The following LAMA5 variants were observed in gnomAD, a reference collection of about 807,000 sequenced individuals.
The protein encoded by LAMA5 is laminin subunit alpha-5.
In LAMA5, 260 loss-of-function variants were observed where a neutral mutation model predicts 433.4. The ratio of observed to expected loss-of-function variants is 0.60; its 90% CI spans 0.54 to 0.66. LAMA5 has a LOEUF of 0.66. LAMA5 is among the 30% of genes least tolerant of loss of function. LAMA5 has a pLI of 0.00. For synonymous variants in LAMA5, 2,620 were observed against 2,226.6 expected (o/e 1.18, Z -4.97); for missense variants, 5,378 against 5,258.5 (o/e 1.02, Z -0.70).
In LAMA5 at chr20:62,310,006, G is replaced by A. The variant is rs762380026; in HGVS notation, c.10810C>T (p.Gln3604Ter). 3 of 1,611,132 alleles carry A rather than the reference G, an allele frequency of 1.9e-6. No homozygotes were observed. The highest frequency in any genetic ancestry group is 1.7e-6 in the Non-Finnish European group (2 of 1,179,698). ...VTRPSVLCDG[Q>*]WHRLAVMKSG... is the part of the protein sequence containing the mutation. ...GCCTCACCCGCTAGCCGGTGCCACT[G>A]GCCATCACACAGCACTGAGGGGCGG... Residue 3604 changes from glutamine to a stop codon, truncating the protein, a stop_gained, in exon 78 of 80, where the codon CAG (glutamine) becomes TAG (stop). Transcript: ENST00000252999. LOFTEE classifies it high-confidence loss of function.
At position 62,338,593 on chromosome 20, in the gene LAMA5, G is replaced by T. The variant is rs139957521; in HGVS notation, c.1493C>A (p.Ala498Glu). 2 of 1,610,024 alleles carry T rather than the reference G, an allele frequency of 1.2e-6. No individual in the cohort carries two copies. Among genetic ancestry groups the T allele is most frequent in the South Asian group, 2.2e-5 (2 of 90,420 alleles). ...AGQIVNCDCS[A>E]AGTQGNACRK... ...GCAGGCGTTGCCCTGGGTCCCTGCC[G>T]CGCTGCAGTCACAATCTGGAGGGTG... The change falls in exon 12 of 80, where the codon GCG (alanine) becomes GAG (glutamate). Residue 498 changes from alanine to glutamate, a missense_variant. Coordinates refer to ENST00000252999, the MANE Select transcript of LAMA5 (RefSeq NM_005560.6).
At position 62,310,027 on chromosome 20, in the gene LAMA5, G is replaced by A. The variant is rs1223349768; in HGVS notation, c.10789C>T (p.Pro3597Ser). The A allele has an allele frequency of 1.5e-5, 24 of 1,611,272 alleles. No homozygotes were observed. The highest frequency in any genetic ancestry group is 1.9e-5 in the Non-Finnish European group (23 of 1,179,772). Residue 3597 changes from proline to serine, a missense_variant, in exon 78 of 80, where the codon CCC becomes TCC. Physicochemically the swap from Pro to Ser is moderately conservative, Grantham distance 74. Coordinates refer to ENST00000252999, the MANE Select transcript of LAMA5 (RefSeq NM_005560.6). ...CACTGGCCATCACACAGCACTGAGG[G>A]GCGGGTCACTGACGTGGAGAACTCC... ...AGEFSTSVTRPSVLCDGQWHR... is the reference protein window; with the variant it reads ...AGEFSTSVTRSSVLCDGQWHR...
At chr20:62,346,619 G>A in intron 8 of LAMA5, 23 bp from the exon 9 acceptor site, 1 of 1,610,176 alleles carries the variant, frequency 6.2e-7, no homozygotes, top group Non-Finnish European at 8.5e-7. Context: ...TGGCCGTTGA[G>A]TCTGGGGAGG....
intron 11 of LAMA5, among the ~76,000 whole-genome samples, chr20:62,340,931 C>T (rs1040733926): frequency 2.0e-5 from 3 of 151,644 alleles, no homozygotes; most frequent in South Asian, 2.1e-4. Context: ...CCCAGCTACT[C>T]GGGAGGCTGA....
rs778307053 is a variant in LAMA5, at chr20:62,323,465, T to G, written c.6055A>C (p.Asn2019His). 19 of 1,540,962 alleles carry G rather than the reference T, an allele frequency of 1.2e-5. No individual in the cohort carries two copies. Among genetic ancestry groups the G allele is most frequent in the Admixed American group, 2.0e-5 (1 of 50,568 alleles). ...CCAGCCCGACGCCTACGGGTGCAGT[T>G]GCCGGGCAGCAGGGCGTTGCCGTAG... Reference protein sequence around the residue: ...GFYGNALLPGNCTRCDCTPCG... With the variant: ...GFYGNALLPGHCTRCDCTPCG... The change falls in exon 45 of 80, where the codon AAC becomes CAC. Residue 2019 changes from asparagine to histidine, a missense_variant. Physicochemically the swap from Asn to His is moderately conservative, Grantham distance 68. Transcript: ENST00000252999.
At chr20:62,352,583 C>A (rs1244691928) in intron 3 of LAMA5, among the ~76,000 whole-genome samples, 1 of 152,122 alleles carries the variant, frequency 6.6e-6, no homozygotes, top group Non-Finnish European at 1.5e-5. Flanking sequence ...AGTGACCCCC[C>A]TCGACGACCA....
chr20:62,325,656 G>C, intron 40 of LAMA5, 110 bp from the exon 41 acceptor site: 1 of 685,230 alleles, frequency 1.5e-6, no homozygotes, highest in Admixed American at 3.3e-5. Flanking sequence ...AAAGACCATG[G>C]GGCAGGAGGA....
At chr20:62,326,505 C>A in intron 40 of LAMA5, 172 bp downstream of exon 40, 1 of 596,770 alleles carries the variant, frequency 1.7e-6, no homozygotes, top group South Asian at 2.0e-5. Flanking sequence ...GTGACCAGCA[C>A]AGAAGATATC....
At chr20:62,336,531 T>A in intron 17 of LAMA5, 86 bp from the exon 18 acceptor site, 1 of 1,281,004 alleles carries the variant, frequency 7.8e-7, no homozygotes, top group South Asian at 1.3e-5. Flanking sequence ...TGACAAGGGG[T>A]GGTGAGGGCT....
intron 18 of LAMA5, among the ~76,000 whole-genome samples, chr20:62,335,684 C>T (rs947802808): frequency 1.3e-4 from 18 of 138,704 alleles, no homozygotes; most frequent in Non-Finnish European, 2.5e-4. Flanking sequence ...TCCGAGGAAC[C>T]CCCACACACT....
chr20:62,330,128 T>C (rs1980082700), intron 31 of LAMA5, among the ~76,000 whole-genome samples: 2 of 152,180 alleles, frequency 1.3e-5, no homozygotes, highest in Non-Finnish European at 1.5e-5. Context: ...GGGACACCTC[T>C]AGGTACCGGT....
rs374743870 is a variant in LAMA5 at position 62,323,780 on chromosome 20, C to T, written c.5845G>A (p.Glu1949Lys). 3.0e-5 allele frequency: 49 copies of T among 1,609,758 alleles called. No individual in the cohort carries two copies. The highest frequency in any genetic ancestry group is 3.7e-5 in the Non-Finnish European group (44 of 1,178,408). The change falls in exon 44 of 80, where the codon GAG (glutamate) becomes AAG (lysine). Residue 1949 changes from glutamate to lysine, a missense_variant. Physicochemically the swap from Glu to Lys is moderately conservative, Grantham distance 56. Transcript: ENST00000252999. ...ACTGCCCTAGCCCCAGCTCACCGCT[C>T]GCAGGAGGCACCTGCATAACCAGGT... is the stretch of plus-strand genomic sequence containing the variant. Reference protein sequence around the residue: ...CKPGYAGASCERCAPGFFGNP... With the variant: ...CKPGYAGASCKRCAPGFFGNP...
At chr20:62,361,951 C>A (rs893955880) in intron 2 of LAMA5, among the ~76,000 whole-genome samples, 1 of 152,190 alleles carries the variant, frequency 6.6e-6, no homozygotes, top group Non-Finnish European at 1.5e-5. Context: ...CCTCAGTGGC[C>A]GCCACCTCGG....
At position 62,326,696 on chromosome 20, in the gene LAMA5, C is replaced by G. The variant is rs1323162854; in HGVS notation, c.5279G>C (p.Gly1760Ala). Reference protein sequence around the residue: ...AYPTPGHVHRGQLQLVEGNFR... With the variant: ...AYPTPGHVHRAQLQLVEGNFR... ...CCTCACCTCCACCAGCTGCAGCTGC[C>G]CACGGTGAACGTGGCCAGGCGTGGG... The change falls in exon 40 of 80, where the codon GGG becomes GCG. Residue 1760 changes from glycine (G) to alanine (A), a missense_variant. Coordinates refer to ENST00000252999, the MANE Select transcript of LAMA5 (RefSeq NM_005560.6). The G allele has an allele frequency of 6.2e-7, 1 of 1,612,546 alleles. No homozygotes were observed. Among genetic ancestry groups the G allele is most frequent in the Non-Finnish European group, 8.5e-7 (1 of 1,179,718 alleles).
chr20:62,342,728 G>A (rs1411369500), intron 11 of LAMA5, among the ~76,000 whole-genome samples: 3 of 152,122 alleles, frequency 2.0e-5, no homozygotes, highest in Middle Eastern at 3.2e-3. Flanking sequence ...CAGGTATCAG[G>A]ACTAAAGGGT....
At position 62,312,390 on chromosome 20, in the gene LAMA5, G is replaced by A. The variant is rs1986382874; in HGVS notation, c.9360+10C>T. 6.3e-7 allele frequency: 1 copy of A among 1,599,212 alleles called. No homozygotes were observed. The highest frequency in any genetic ancestry group is 8.5e-7 in the Non-Finnish European group (1 of 1,179,162). ...CAGATGCCACCCCCAGCCCGGGGAG[G>A]GCTGCTCACCAGCAGGTCGGCGGTG... On this transcript the variant is annotated intron_variant, in intron 68 of 79. Coordinates refer to ENST00000252999, the MANE Select transcript of LAMA5 (RefSeq NM_005560.6).
At chr20:62,333,808 G>A (rs1456599019) in intron 23 of LAMA5, 93 bp downstream of exon 23, 5 of 1,332,094 alleles carry the variant, frequency 3.8e-6, no homozygotes, top group South Asian at 1.4e-5. Context: ...CCACCCACAT[G>A]AGCCAGAGGA....
In LAMA5 at chr20:62,312,696, T is replaced by C; in HGVS notation, c.9163A>G (p.Asn3055Asp). 2 of 1,607,074 alleles carry C rather than the reference T, an allele frequency of 1.2e-6. No individual in the cohort carries two copies. Among genetic ancestry groups the C allele is most frequent in the South Asian group, 1.1e-5 (1 of 90,218 alleles). ...TAGGCGTCGGCCAGCTCCAGATCATTGTCCTGCTCCACGCTGTACACCGTG... is the reference window on the plus strand; with the variant it reads ...TAGGCGTCGGCCAGCTCCAGATCATCGTCCTGCTCCACGCTGTACACCGTG... ...RATVYSVEQDNDLELADAYYL... is the reference protein window; with the variant it reads ...RATVYSVEQDDDLELADAYYL... Residue 3055 changes from asparagine (N) to aspartate (D), a missense_variant, in exon 67 of 80, where the codon AAT (asparagine) becomes GAT (aspartate). Transcript: ENST00000252999.
rs1456428041 is a variant in LAMA5, at chr20:62,324,023, C to T, written c.5768+57G>A. On this transcript the variant is annotated intron_variant, in intron 43 of 79. Transcript: ENST00000252999. This position sits in a 1 kb window ranked among gnomAD's most constrained non-coding sequence, Gnocchi z 4.4. ...AGGGCAGTGGGAACCCACCCCGCTG[C>T]TGGGTGAAGGGAGCCTGGCACCATC... is the stretch of plus-strand genomic sequence containing the variant. 6.9e-7 allele frequency: 1 copy of T among 1,459,004 alleles called. No homozygotes were observed. The highest frequency in any genetic ancestry group is 9.1e-7 in the Non-Finnish European group (1 of 1,104,736). 90.4% of individuals were successfully genotyped at this position (1,459,004 alleles called of 1,614,324 possible).
Sources: gnomAD v4.1 joint callset for allele counts (sites outside exome capture counted in the v4.1 genomes callset) on GRCh38, gnomAD v4.1.1 for gene constraint, Gnocchi (gnomAD v3.1) non-coding constraint, MANE v1.5 for transcripts, NCBI Gene and HGNC (gene_info 2026-07-23, HGNC 2026-07-21) for gene names.